The following PCDH7 variants were observed in gnomAD, a reference collection of about 807,000 sequenced individuals.
PCDH7 encodes protocadherin-7.
Under a neutral mutation model 58.9 loss-of-function variants are expected in PCDH7, and 17 were observed. The observed-to-expected ratio is 0.29, with a 90% CI of 0.20 to 0.43. The LOEUF is 0.43. PCDH7 is among the 20% of genes least tolerant of loss of function. The pLI, the probability that PCDH7 is intolerant of heterozygous loss-of-function variation, is 1.00. For missense variants in PCDH7, 1,274 were observed against 1,441.0 expected, an observed-to-expected ratio of 0.88 and a Z score of 1.88; for synonymous variants, 664 against 616.4, an observed-to-expected ratio of 1.08 and a Z score of -1.14.
At chr4:30,755,919 C>G (rs1006058218) in intron 1 of PCDH7, among the ~76,000 whole-genome samples, 3 of 151,954 alleles carry the variant, frequency 2.0e-5, no homozygotes, top group African/African-American at 7.2e-5. Context: ...TTTCTACTAC[C>G]AATACAAAAA....
intron 1 of PCDH7, among the ~76,000 whole-genome samples, chr4:30,796,622 A>G (rs1046554591): frequency 6.6e-6 from 1 of 152,240 alleles, no homozygotes; most frequent in Non-Finnish European, 1.5e-5. Flanking sequence ...AGATTCTTGC[A>G]AGGACAGAAC....
At chr4:30,800,683 A>T (rs906126311) in intron 1 of PCDH7, among the ~76,000 whole-genome samples, 5 of 152,252 alleles carry the variant, frequency 3.3e-5, no homozygotes, top group Admixed American at 1.3e-4. Context: ...AAACTAGGAC[A>T]GAAGAAAAAA....
chr4:31,019,454 A>G (rs565335997), intron 3 of PCDH7, among the ~76,000 whole-genome samples: 1 of 152,232 alleles, frequency 6.6e-6, no homozygotes, highest in South Asian at 2.1e-4. Flanking sequence ...CTATAATCTC[A>G]GCACTTTGGG....
intron 1 of PCDH7, among the ~76,000 whole-genome samples, chr4:30,780,438 C>G (rs972913906): frequency 2.0e-5 from 3 of 150,516 alleles, no homozygotes; most frequent in African/African-American, 7.3e-5. Flanking sequence ...ACCCAGAAGA[C>G]AGAAGTTGCA....
chr4:31,023,902 G>A (rs924467715), intron 3 of PCDH7, among the ~76,000 whole-genome samples: 11 of 152,190 alleles, frequency 7.2e-5, no homozygotes, highest in East Asian at 3.9e-4. Context: ...AAGAGAAAGC[G>A]TTCCAAACCC....
chr4:31,121,282 G>A (rs937246746), intron 3 of PCDH7, among the ~76,000 whole-genome samples: 3 of 152,132 alleles, frequency 2.0e-5, no homozygotes, highest in Admixed American at 1.3e-4. Context: ...AGAGGAGGTA[G>A]CATATATAAA....
intron 3 of PCDH7, among the ~76,000 whole-genome samples, chr4:31,051,031 T>A (rs1756692654): frequency 6.6e-6 from 1 of 152,120 alleles, no homozygotes; most frequent in Admixed American, 6.6e-5. Context: ...TAATTATTTA[T>A]CTATTTAACT....
rs553517457 is a variant in PCDH7, at chr4:30,927,452, G to A, written c.287+7083G>A. Among the ~76,000 whole-genome samples the A allele has an allele frequency of 3.6e-3, 548 of 151,788 alleles. 2 individuals are homozygous for A. The highest frequency in any genetic ancestry group is 0.014 in the Middle Eastern group (4 of 294). Reference sequence around the variant, plus strand: ...GGGGAAAAGATTGAGAAATCGGATGGTTGCTGTGTCTGTGTAGAAAGAAGT... The same window carrying A: ...GGGGAAAAGATTGAGAAATCGGATGATTGCTGTGTCTGTGTAGAAAGAAGT... On this transcript the variant is annotated intron_variant, in intron 2 of 3. Coordinates refer to the PCDH7 transcript ENST00000509759.
chr4:30,754,253 G>C (rs1482520131), intron 1 of PCDH7, among the ~76,000 whole-genome samples: 1 of 151,794 alleles, frequency 6.6e-6, no homozygotes, highest in South Asian at 2.1e-4. Flanking sequence ...TGACTCATTA[G>C]AAAATGTCCT....
chr4:30,905,435 G>A (rs551134205), intron 1 of PCDH7, among the ~76,000 whole-genome samples: 2 of 150,254 alleles, frequency 1.3e-5, no homozygotes, highest in African/African-American at 2.5e-5. Flanking sequence ...TGTGAACTGA[G>A]CTTTTGATGA....
intron 3 of PCDH7, among the ~76,000 whole-genome samples, chr4:31,024,093 T>G (rs1302813301): frequency 6.6e-6 from 1 of 152,150 alleles, no homozygotes; most frequent in Non-Finnish European, 1.5e-5. Context: ...GGAAGGGTAG[T>G]GATTTGTTTG....
intron 1 of PCDH7, among the ~76,000 whole-genome samples, chr4:30,891,062 A>C (rs908058124): frequency 6.6e-6 from 1 of 152,064 alleles, no homozygotes. Context: ...TACATTCTCT[A>C]TCTGAATTTT....
intron 3 of PCDH7, among the ~76,000 whole-genome samples, chr4:30,961,892 ATAGGGTGG>A (rs1394943224): frequency 6.6e-6 from 1 of 152,166 alleles, no homozygotes; most frequent in Non-Finnish European, 1.5e-5. Context: ...GAATATGCCC[ATAGGGTGG>A]TATTTGAAAT....
At chr4:30,885,243 A>AC (rs1737550900) in intron 1 of PCDH7, 1 of 152,210 alleles carries the variant, frequency 6.6e-6, no homozygotes, top group Non-Finnish European at 1.5e-5. Flanking sequence ...GAGACAGGGT[A>AC]CCATAGTGAT....
At chr4:31,011,422 T>C (rs551661729) in intron 3 of PCDH7, among the ~76,000 whole-genome samples, 51 of 152,138 alleles carry the variant, frequency 3.4e-4, no homozygotes, top group Non-Finnish European at 6.8e-4. Flanking sequence ...GGCATGTGTC[T>C]AGTGAAGTAT....
chr4:30,751,805 A>AT (rs1030414169), intron 1 of PCDH7, among the ~76,000 whole-genome samples: 1 of 152,064 alleles, frequency 6.6e-6, no homozygotes, highest in South Asian at 2.1e-4. Flanking sequence ...AGGGCTATAC[A>AT]TTTTTTCCAG....
At position 30,966,099 on chromosome 4, in the gene PCDH7, G is replaced by T. The variant is rs142399643; in HGVS notation, c.*7+15884G>T. 1.7e-4 allele frequency among the ~76,000 whole-genome samples: 26 copies of T among 152,198 alleles called. No homozygotes were observed. The East Asian group carries it at 3.7e-3, about 21-fold the overall frequency. ...TAACTCATCAGATTTCCAAAGCAAG[G>T]GCTGCTTAAATCAAAGGATTTTCAT... On this transcript the variant is annotated intron_variant, in intron 3 of 3. Coordinates refer to the PCDH7 transcript ENST00000509759.
intron 1 of PCDH7, among the ~76,000 whole-genome samples, chr4:30,909,996 G>A (rs1271228763): frequency 6.6e-6 from 1 of 152,128 alleles, no homozygotes; most frequent in African/African-American, 2.4e-5. Context: ...CAATGGAACA[G>A]AATGGAGGCC....
intron 1 of PCDH7, among the ~76,000 whole-genome samples, chr4:30,805,801 C>T (rs28720058): frequency 0.018 from 2,742 of 152,300 alleles, 91 homozygotes; most frequent in African/African-American, 0.062. Context: ...CTCTAAACCA[C>T]AGTACAGGCC....
Sources: gnomAD v4.1 joint callset for allele counts (sites outside exome capture counted in the v4.1 genomes callset) on GRCh38, gnomAD v4.1.1 for gene constraint, MANE v1.5 for transcripts, NCBI Gene and HGNC (gene_info 2026-07-23, HGNC 2026-07-21) for gene names.